The following RYK variants were observed in gnomAD, a reference collection of about 807,000 sequenced individuals.
RYK encodes receptor like tyrosine kinase.
In RYK, 21 loss-of-function variants were observed where a neutral mutation model predicts 70.2. The ratio of observed to expected loss-of-function variants is 0.30; its 90% CI spans 0.21 to 0.43. RYK has a LOEUF of 0.43. Among genes scored for constraint, RYK ranks in the 20% least tolerant of loss-of-function variants. The pLI is 1.00. For synonymous variants in RYK, 267 were observed against 278.0 expected (o/e 0.96, Z 0.39); for missense variants, 604 against 753.3 (o/e 0.80, Z 2.32).
chr3:134,209,838 A>G lies in RYK; in HGVS notation c.455-9T>C. ...AAGCTCTACCCGAAACACTGTTTAA[A>G]AAAGATAAGAAAAATATTTTACATT... On this transcript the variant is annotated splice_polypyrimidine_tract_variant and intron_variant, in intron 3 of 14. Transcript: ENST00000623711. The G allele has an allele frequency of 1.4e-6, 2 of 1,456,280 alleles. No homozygotes were observed. Among genetic ancestry groups the G allele is most frequent in the South Asian group, 3.0e-5 (2 of 66,738 alleles). The allele number at this position is 1,456,280 out of a possible 1,614,324, so 90.2% of individuals were successfully genotyped here.
chr3:134,167,936 C>A (rs2012739781), intron 13 of RYK, among the ~76,000 whole-genome samples: 1 of 152,114 alleles, frequency 6.6e-6, no homozygotes, highest in Non-Finnish European at 1.5e-5. Context: ...AAGAAAAAAA[C>A]AACCCCATCA....
At chr3:134,189,566 G>A (rs551732340) in intron 8 of RYK, among the ~76,000 whole-genome samples, 51 of 151,798 alleles carry the variant, frequency 3.4e-4, no homozygotes, top group African/African-American at 1.2e-3. Flanking sequence ...TGAGACCATC[G>A]TGGCTAACAC....
intron 2 of RYK, among the ~76,000 whole-genome samples, chr3:134,214,264 A>C (rs189821270): frequency 6.6e-6 from 1 of 152,166 alleles, no homozygotes; most frequent in Admixed American, 6.5e-5. Context: ...CTTCACTACC[A>C]AAACAAATGC....
chr3:134,246,189 C>G (rs1047199315), intron 1 of RYK, among the ~76,000 whole-genome samples: 3 of 151,112 alleles, frequency 2.0e-5, no homozygotes, highest in African/African-American at 2.4e-5. Context: ...CCATTCCCCC[C>G]CTCCCACTCC....
intron 6 of RYK, among the ~76,000 whole-genome samples, chr3:134,201,928 G>A (rs572418086): frequency 7.6e-4 from 116 of 152,212 alleles, no homozygotes; most frequent in Admixed American, 1.8e-3. Context: ...CATTCCATCT[G>A]TACCTCTCAC....
At chr3:134,216,679 G>A (rs536369211) in intron 2 of RYK, among the ~76,000 whole-genome samples, 2 of 150,974 alleles carry the variant, frequency 1.3e-5, no homozygotes, top group Non-Finnish European at 2.9e-5. Flanking sequence ...TGTTGACCCA[G>A]CTATTCAGGA....
intron 2 of RYK, among the ~76,000 whole-genome samples, chr3:134,217,773 G>A (rs2014605897): frequency 6.6e-6 from 1 of 151,978 alleles, no homozygotes; most frequent in African/African-American, 2.4e-5. Flanking sequence ...CTCAGGGATG[G>A]TACTAGAAGG....
At chr3:134,207,579 C>T (rs917582231) in intron 4 of RYK, 54 bp from the exon 5 acceptor site, 2 of 1,161,540 alleles carry the variant, frequency 1.7e-6, no homozygotes, top group Middle Eastern at 2.6e-4. Flanking sequence ...CCATGAAAAT[C>T]CTTAATTACT....
chr3:134,180,380 A>G (rs1465007921), intron 10 of RYK: 3 of 152,240 alleles, frequency 2.0e-5, no homozygotes, highest in African/African-American at 7.2e-5. Flanking sequence ...AAATGCTTTA[A>G]AACACTTCAA....
chr3:134,170,688 A>T (rs1283467466), intron 13 of RYK: 1 of 152,374 alleles, frequency 6.6e-6, no homozygotes, highest in Non-Finnish European at 1.5e-5. Context: ...AGTAGATAAA[A>T]TATGCTATGA....
intron 7 of RYK, among the ~76,000 whole-genome samples, chr3:134,193,054 G>T (rs1029668665): frequency 6.6e-6 from 1 of 151,878 alleles, no homozygotes; most frequent in African/African-American, 2.4e-5. Flanking sequence ...TTTAAAAAGT[G>T]TTTGTTTTCA....
At chr3:134,221,146 T>C (rs1304073711) in intron 2 of RYK, among the ~76,000 whole-genome samples, 1 of 148,528 alleles carries the variant, frequency 6.7e-6, no homozygotes, top group Non-Finnish European at 1.5e-5. Context: ...TACCAAACTA[T>C]AAACAATTAC....
intron 4 of RYK, among the ~76,000 whole-genome samples, chr3:134,208,878 G>C (rs1403841705): frequency 6.6e-6 from 1 of 152,090 alleles, no homozygotes; most frequent in African/African-American, 2.4e-5. Flanking sequence ...CAAGCACTTA[G>C]AACACAGTAA....
chr3:134,197,620 A>G (rs1345539986), intron 6 of RYK, among the ~76,000 whole-genome samples: 1 of 152,210 alleles, frequency 6.6e-6, no homozygotes, highest in Non-Finnish European at 1.5e-5. Context: ...ACCACTCAAA[A>G]ATCAAACCAG....
chr3:134,241,991 G>C (rs1304591130), intron 1 of RYK, among the ~76,000 whole-genome samples: 1 of 152,128 alleles, frequency 6.6e-6, no homozygotes, highest in Non-Finnish European at 1.5e-5. Context: ...GTCTATTCCA[G>C]CTTAAAATTT....
At chr3:134,175,573 T>C in intron 13 of RYK, 36 bp downstream of exon 13, 1 of 1,588,506 alleles carries the variant, frequency 6.3e-7, no homozygotes, top group South Asian at 1.1e-5. Flanking sequence ...AAGCTGTTTC[T>C]CTATTCTTTT....
intron 2 of RYK, among the ~76,000 whole-genome samples, chr3:134,213,998 G>C (rs1395567515): frequency 2.6e-5 from 4 of 152,074 alleles, no homozygotes; most frequent in Non-Finnish European, 4.4e-5. Context: ...GTAGAGACGA[G>C]ATTTCACCAT....
rs150641875 is a variant in RYK at position 134,243,736 on chromosome 3, C to CT, written c.232+6686dup. On this transcript the variant is annotated intron_variant, in intron 1 of 14. Transcript: ENST00000623711. ...ATCCTTCAAGATGAGGCTCAAATGT[C>CT]TTTTTTTTCCCTGGGACAAGTTTCC... is the stretch of plus-strand genomic sequence containing the variant. 6.6e-5 allele frequency among the ~76,000 whole-genome samples: 10 copies of CT among 152,114 alleles called. No individual in the cohort carries two copies. The East Asian group carries it at 1.4e-3, about 21-fold the overall frequency.
At position 134,221,587 on chromosome 3, in the gene RYK, A is replaced by AT. The variant is rs571691432; in HGVS notation, c.354+830dup. Among the ~76,000 whole-genome samples the AT allele has an allele frequency of 2.1e-3, 324 of 152,254 alleles. 2 individuals are homozygous for AT. The highest frequency in any genetic ancestry group is 7.4e-3 in the African/African-American group (308 of 41,550). ...GTTTTCTAAGTAGAAAAAAATGAAG[A>AT]TTTTTAAAAATCTATATTAAAGTGG... On this transcript the variant is annotated intron_variant, in intron 2 of 14. Coordinates refer to ENST00000623711, the MANE Select transcript of RYK (RefSeq NM_002958.4).
Sources: gnomAD v4.1 joint callset for allele counts (sites outside exome capture counted in the v4.1 genomes callset) on GRCh38, gnomAD v4.1.1 for gene constraint, MANE v1.5 for transcripts, NCBI Gene and HGNC (gene_info 2026-07-23, HGNC 2026-07-21) for gene names.